NUDT3: variants seen among roughly 807,000 people sequenced by gnomAD.
The protein encoded by NUDT3 is diphosphoinositol polyphosphate phosphohydrolase 1.
NUDT3 carries 9 observed loss-of-function variants against 23.6 expected under a neutral mutation model. The ratio of observed to expected loss-of-function variants is 0.38; its 90% CI spans 0.23 to 0.66. The LOEUF (loss-of-function observed/expected upper bound fraction) is 0.66, where lower values mean the gene tolerates loss of function less well. Among genes scored for constraint, NUDT3 ranks in the 30% least tolerant of loss-of-function variants. The pLI is 0.52. For missense variants in NUDT3, 172 were observed against 218.5 expected (o/e 0.79, Z 1.34); for synonymous variants, 86 against 82.6 (o/e 1.04, Z -0.22).
chr6:34,377,398 A>C (rs1040954238), intron 1 of NUDT3, among the ~76,000 whole-genome samples: 1 of 152,182 alleles, frequency 6.6e-6, no homozygotes, highest in Non-Finnish European at 1.5e-5. Context: ...GTATTTTAAG[A>C]AGCATCGTAC....
chr6:34,351,186 C>T (rs1764461113), intron 1 of NUDT3, among the ~76,000 whole-genome samples: 1 of 55,632 alleles, frequency 1.8e-5, no homozygotes, highest in African/African-American at 7.4e-5. Flanking sequence ...CTCGTCTCTA[C>T]ACTCCCCTGC....
chr6:34,321,162 G>C (rs1763936203), intron 2 of NUDT3, among the ~76,000 whole-genome samples: 1 of 152,060 alleles, frequency 6.6e-6, no homozygotes, highest in Admixed American at 6.6e-5. Context: ...CTCAGGCCAG[G>C]CACGGTGGCT....
intron 2 of NUDT3, among the ~76,000 whole-genome samples, chr6:34,318,555 T>C (rs1480049314): frequency 6.6e-6 from 1 of 152,200 alleles, no homozygotes; most frequent in Non-Finnish European, 1.5e-5. Flanking sequence ...ACGCTCTATG[T>C]TGGGATATAA....
chr6:34,365,075 C>T (rs548740019), intron 1 of NUDT3, among the ~76,000 whole-genome samples: 2 of 151,954 alleles, frequency 1.3e-5, no homozygotes, highest in South Asian at 4.2e-4. Flanking sequence ...AAATATTAGT[C>T]CATCCAGGAC....
chr6:34,293,335 T>C (rs1192332264), intron 4 of NUDT3, 116 bp downstream of exon 4: 1 of 1,224,606 alleles, frequency 8.2e-7, no homozygotes, highest in Non-Finnish European at 1.2e-6. Flanking sequence ...GTACTGGGGT[T>C]ATAGGTGTGA....
rs559225249 is a variant in NUDT3 at position 34,345,790 on chromosome 6, C to T, written c.100-3818G>A. 1.6e-4 allele frequency among the ~76,000 whole-genome samples: 24 copies of T among 151,370 alleles called. 1 individual carries two copies. The South Asian group carries it at 4.0e-3, about 25-fold the overall frequency. ...TGTTTTGTTTTGTTTTGTTTTGAGA[C>T]GGAGTTTTGCTCTTGTTGCCCAGGC... is the stretch of plus-strand genomic sequence containing the variant. On this transcript the variant is annotated intron_variant, in intron 1 of 4. Transcript: ENST00000607016.
chr6:34,348,685 A>G (rs1764420006), intron 1 of NUDT3, among the ~76,000 whole-genome samples: 1 of 152,090 alleles, frequency 6.6e-6, no homozygotes, highest in South Asian at 2.1e-4. Context: ...CTGAGGCAGG[A>G]GAATGGTGTG....
At chr6:34,373,939 A>T (rs1226629106) in intron 1 of NUDT3, among the ~76,000 whole-genome samples, 1 of 152,056 alleles carries the variant, frequency 6.6e-6, no homozygotes, top group East Asian at 1.9e-4. Context: ...GGATCATCTG[A>T]GGTCAGGAGT....
chr6:34,339,613 T>C (rs1420092173), intron 2 of NUDT3, among the ~76,000 whole-genome samples: 5 of 152,224 alleles, frequency 3.3e-5, no homozygotes, highest in African/African-American at 1.2e-4. Flanking sequence ...GGATTATCTA[T>C]GGTTCACCAC....
At position 34,383,042 on chromosome 6, in the gene NUDT3, G is replaced by T. The variant is rs141725532; in HGVS notation, c.99+9222C>A. Among the ~76,000 whole-genome samples, 1,375 of 150,344 alleles carry T rather than the reference G, an allele frequency of 9.1e-3. 15 individuals carry two copies. Among genetic ancestry groups the T allele is most frequent in the Middle Eastern group, 0.024 (7 of 294 alleles). ...CTCGGGAGGCTGAGGCAGGAGAATC[G>T]TTTGAACCTGGGAGGCGGAGGTTGC... On this transcript the variant is annotated intron_variant, in intron 1 of 4. Coordinates refer to ENST00000607016, the MANE Select transcript of NUDT3 (RefSeq NM_006703.4).
At position 34,282,564 on chromosome 6, in the gene NUDT3, T is replaced by C. The variant is rs191715126; in HGVS notation, c.*6189A>G. 179 of 152,326 alleles carry C rather than the reference T, an allele frequency of 1.2e-3. 2 individuals are homozygous for C. The highest frequency in any genetic ancestry group is 3.6e-3 in the African/African-American group (151 of 41,574). 9.4% of individuals were successfully genotyped at this position (152,326 alleles called of 1,614,324 possible). A position where few individuals can be genotyped will look rare whatever the true frequency, so the allele number is the denominator to read the frequency against. ...CACTGTTGAGATGTTCTCTGCAAGG[T>C]AGTCACAGATAATAAGCAATTTAGT... On this transcript the variant is annotated 3_prime_UTR_variant, in exon 5 of 5. Coordinates refer to ENST00000607016, the MANE Select transcript of NUDT3 (RefSeq NM_006703.4).
chr6:34,334,773 A>G (rs1764181675), intron 2 of NUDT3, among the ~76,000 whole-genome samples: 1 of 152,010 alleles, frequency 6.6e-6, no homozygotes. Context: ...CTAATAAATA[A>G]TAATAATAAA....
rs555011335 is a variant in NUDT3 at position 34,309,550 on chromosome 6, T to C, written c.211-13865A>G. Among the ~76,000 whole-genome samples the C allele has an allele frequency of 3.3e-5, 5 of 151,298 alleles. No individual in the cohort carries two copies. In the South Asian group the frequency reaches 1.0e-3, roughly 32 times the overall value. On this transcript the variant is annotated intron_variant, in intron 2 of 4. Coordinates refer to ENST00000607016, the MANE Select transcript of NUDT3 (RefSeq NM_006703.4). ...AAAATTAGAACAGAAATCAAAGAAG[T>C]TGAGAAAGAAAATCAATTGAGAGGA...
At chr6:34,295,237 C>T (rs1763481388) in intron 3 of NUDT3, among the ~76,000 whole-genome samples, 1 of 151,662 alleles carries the variant, frequency 6.6e-6, no homozygotes, top group African/African-American at 2.4e-5. Context: ...AAAAAACTCA[C>T]CGAGGTTGGG....
intron 1 of NUDT3, among the ~76,000 whole-genome samples, chr6:34,353,797 G>A (rs754660215): frequency 3.3e-5 from 5 of 151,964 alleles, no homozygotes; most frequent in African/African-American, 7.3e-5. Flanking sequence ...GACCTCCCGG[G>A]TTCAGGCAAT....
chr6:34,386,441 ATGTC>A (rs377766499), intron 1 of NUDT3, among the ~76,000 whole-genome samples: 7 of 152,294 alleles, frequency 4.6e-5, no homozygotes, highest in South Asian at 4.1e-4. Flanking sequence ...AGCTCCCTGC[ATGTC>A]TGTCTCCTTC....
chr6:34,378,943 G>A (rs1764969800), intron 1 of NUDT3, among the ~76,000 whole-genome samples: 1 of 151,970 alleles, frequency 6.6e-6, no homozygotes, highest in Admixed American at 6.6e-5. Flanking sequence ...ACCATCCCTG[G>A]CCTCTTCTGC....
intron 1 of NUDT3, among the ~76,000 whole-genome samples, chr6:34,359,587 T>C (rs1249763813): frequency 6.6e-6 from 1 of 152,228 alleles, no homozygotes; most frequent in Non-Finnish European, 1.5e-5. Flanking sequence ...ATCCATATTG[T>C]AGCATGTATC....
chr6:34,367,527 A>G (rs1364703693), intron 1 of NUDT3, among the ~76,000 whole-genome samples: 2 of 152,002 alleles, frequency 1.3e-5, no homozygotes, highest in Non-Finnish European at 2.9e-5. Context: ...AAAAGGTACT[A>G]ATAGTTGCCA....
Sources: allele counts gnomAD v4.1 joint callset (sites outside exome capture counted in the v4.1 genomes callset), GRCh38; gene constraint gnomAD v4.1.1; transcripts MANE v1.5; gene names NCBI Gene and HGNC (gene_info 2026-07-23, HGNC 2026-07-21).